Variants in DYNC2H1 observed in about 807,000 individuals in gnomAD.
The protein encoded by DYNC2H1 is dynein cytoplasmic 2 heavy chain 1, also known as cytoplasmic dynein 2 heavy chain 1.
Under a neutral mutation model 570.0 loss-of-function variants are expected in DYNC2H1, and 410 were observed. The observed-to-expected ratio is 0.72, with a 90% confidence interval of 0.66 to 0.78. The LOEUF is 0.78. DYNC2H1 is among the 30% of genes least tolerant of loss of function. The pLI, the probability that DYNC2H1 is intolerant of heterozygous loss-of-function variation, is 0.00. For synonymous variants in DYNC2H1, 1,688 were observed against 1,677.6 expected (o/e 1.01, Z -0.15); for missense variants, 4,865 against 5,046.4 (o/e 0.96, Z 1.09).
At chr11:103,197,375 A>G (rs1225120444) in intron 47 of DYNC2H1, among the ~76,000 whole-genome samples, 1 of 152,160 alleles carries the variant, frequency 6.6e-6, no homozygotes, top group Non-Finnish European at 1.5e-5. Context: ...GGGGCAGAAT[A>G]TAGACTAGTG....
intron 20 of DYNC2H1, 147 bp downstream of exon 20, chr11:103,148,764 T>C (rs980575847): frequency 9.3e-7 from 1 of 1,079,338 alleles, no homozygotes; most frequent in African/African-American, 1.6e-5. Flanking sequence ...GGTTAGCTCA[T>C]GATTAGACTC....
intron 83 of DYNC2H1, among the ~76,000 whole-genome samples, chr11:103,362,333 CTTT>C (rs1230736946): frequency 1.2e-4 from 3 of 25,126 alleles, no homozygotes; most frequent in Admixed American, 5.5e-4. Context: ...TTTTTTTTTT[CTTT>C]TTTTTTTTTT....
At chr11:103,444,173 AT>A (rs929670340) in intron 85 of DYNC2H1, among the ~76,000 whole-genome samples, 1 of 151,686 alleles carries the variant, frequency 6.6e-6, no homozygotes, top group African/African-American at 2.4e-5. Flanking sequence ...TAATATTTAT[AT>A]TAATTATCAA....
chr11:103,263,311 TAA>T (rs757152302), intron 70 of DYNC2H1, among the ~76,000 whole-genome samples: 10 of 152,056 alleles, frequency 6.6e-5, no homozygotes, highest in Non-Finnish European at 1.5e-4. Flanking sequence ...GACAGAAAAT[TAA>T]CAAGGGTATT....
intron 69 of DYNC2H1, among the ~76,000 whole-genome samples, chr11:103,258,616 C>A (rs1024007093): frequency 6.6e-6 from 1 of 152,206 alleles, no homozygotes; most frequent in African/African-American, 2.4e-5. Context: ...AGCACCTCTG[C>A]AGGAGGCTTG....
intron 78 of DYNC2H1, 85 bp from the exon 79 acceptor site, chr11:103,311,793 A>T: frequency 7.2e-7 from 1 of 1,388,674 alleles, no homozygotes. Context: ...AATTTTCTTT[A>T]AATTATGTTC....
At position 103,280,702 on chromosome 11, in the gene DYNC2H1, T is replaced by A. The variant is rs928297736; in HGVS notation, c.10761+289T>A. On this transcript the variant is annotated intron_variant, in intron 71 of 88. Transcript: ENST00000375735. The surrounding 1 kb of genome is among the most constrained non-coding windows in gnomAD (Gnocchi z 4.7). ...GGCAACAGAAGAGTCAGCCTTCTTC[T>A]TTTCCCGGCCTAGGTAGTAGAGCTC... Among the ~76,000 whole-genome samples, 5 of 152,070 alleles carry A rather than the reference T, an allele frequency of 3.3e-5. No homozygotes were observed. Among genetic ancestry groups the A allele is most frequent in the Non-Finnish European group, 7.4e-5 (5 of 67,986 alleles).
At chr11:103,140,596 G>A (rs1216588981) in intron 17 of DYNC2H1, among the ~76,000 whole-genome samples, 1 of 152,170 alleles carries the variant, frequency 6.6e-6, no homozygotes, top group Non-Finnish European at 1.5e-5. Flanking sequence ...AGTCTGATGG[G>A]CTTCCCTTTG....
chr11:103,381,480 C>T (rs547493050), intron 83 of DYNC2H1, among the ~76,000 whole-genome samples: 1 of 152,098 alleles, frequency 6.6e-6, no homozygotes, highest in Non-Finnish European at 1.5e-5. Context: ...GATGGAGTCT[C>T]GCTTTGTCAC....
chr11:103,338,457 G>C (rs532292139), intron 82 of DYNC2H1, among the ~76,000 whole-genome samples: 1 of 152,092 alleles, frequency 6.6e-6, no homozygotes, highest in Admixed American at 6.5e-5. Flanking sequence ...TGGGTGATGT[G>C]GTCATTTTTA....
chr11:103,353,025 T>A (rs1362867081), intron 82 of DYNC2H1, among the ~76,000 whole-genome samples: 1 of 152,136 alleles, frequency 6.6e-6, no homozygotes, highest in African/African-American at 2.4e-5. Flanking sequence ...GAAGTCATCA[T>A]CCTCAGCAAA....
chr11:103,177,440 C>T lies in DYNC2H1; in HGVS notation c.5875-116C>T. 1 of 983,054 alleles carries T rather than the reference C, an allele frequency of 1.0e-6. No individual in the cohort carries two copies. The highest frequency in any genetic ancestry group is 1.4e-6 in the Non-Finnish European group (1 of 690,506). 60.9% of individuals were successfully genotyped at this position (983,054 alleles called of 1,614,324 possible). On this transcript the variant is annotated intron_variant, in intron 37 of 88. Coordinates refer to ENST00000375735, the MANE Select transcript of DYNC2H1 (RefSeq NM_001377.3). This position sits in a 1 kb window ranked among gnomAD's most constrained non-coding sequence, Gnocchi z 4.4. ...CTATTACATTTTAGGCAATACCTTC[C>T]ACTGAAGAAATCAAAGGCTTAATTT...
chr11:103,215,903 A>C, intron 55 of DYNC2H1, 45 bp downstream of exon 55: 1 of 1,582,674 alleles, frequency 6.3e-7, no homozygotes. Flanking sequence ...TATGGAGAGC[A>C]TTTATGCCTG....
At position 103,437,925 on chromosome 11, in the gene DYNC2H1, T is replaced by C. The variant is rs185003697; in HGVS notation, c.12456+1893T>C. Among the ~76,000 whole-genome samples the C allele has an allele frequency of 2.6e-5, 4 of 152,240 alleles. No individual in the cohort carries two copies. The East Asian group carries it at 7.7e-4, about 29-fold the overall frequency. ...ACTCTTTAAAACAATTTTACATGAA[T>C]TATTGCAATTTTCTTGCATGGTTAT... is the stretch of plus-strand genomic sequence containing the variant. On this transcript the variant is annotated intron_variant, in intron 85 of 88. Transcript: ENST00000375735.
chr11:103,272,519 A>G (rs938281473), intron 70 of DYNC2H1, among the ~76,000 whole-genome samples: 2 of 152,184 alleles, frequency 1.3e-5, no homozygotes, highest in African/African-American at 4.8e-5. Flanking sequence ...ACATGTATAC[A>G]TATGTAGCAA....
chr11:103,179,524 C>T (rs1318274431), intron 39 of DYNC2H1, among the ~76,000 whole-genome samples: 1 of 151,628 alleles, frequency 6.6e-6, no homozygotes, highest in African/African-American at 2.4e-5. Flanking sequence ...TGACTGATTT[C>T]AGAGAAGTGA....
rs1271545970 is a variant in DYNC2H1, at chr11:103,282,199, T to C, written c.10782T>C (p.Gly3594=). The change falls in exon 72 of 89, where the codon GGT becomes GGC. Residue 3594 remains glycine, a synonymous_variant. Coordinates refer to ENST00000375735, the MANE Select transcript of DYNC2H1 (RefSeq NM_001377.3). ...AATAGGAATGGGATACGTTTACAGG[T>C]GTGGTTGTTGGAGACATGTTACGGA... ...FQENEWDTFT[G]VVVGDMLRKA... 2 of 1,608,644 alleles carry C rather than the reference T, an allele frequency of 1.2e-6. No individual in the cohort carries two copies. The highest frequency in any genetic ancestry group is 1.7e-6 in the Non-Finnish European group (2 of 1,177,718).
Position 103,179,164 on chromosome 11 carries a change from T to A in DYNC2H1, c.6278T>A (p.Val2093Glu), listed in dbSNP as rs1861748742. 6.2e-7 allele frequency: 1 copy of A among 1,613,116 alleles called. No homozygotes were observed. Among genetic ancestry groups the A allele is most frequent in the African/African-American group, 1.3e-5 (1 of 74,988 alleles). ...CAGTTTGGCCCAAATGTTAACTTTG[T>A]ATTTGAAACTCATGATTTAAGTTGT... ...RIQFGPNVNFVFETHDLSCAS... is the reference protein window; with the variant it reads ...RIQFGPNVNFEFETHDLSCAS... The change falls in exon 39 of 89, where the codon GTA becomes GAA. Residue 2093 changes from valine (V) to glutamate (E), a missense_variant. Physicochemically the swap from Val to Glu is moderately radical, Grantham distance 121. Coordinates refer to ENST00000375735, the MANE Select transcript of DYNC2H1 (RefSeq NM_001377.3).
intron 84 of DYNC2H1, among the ~76,000 whole-genome samples, chr11:103,422,144 A>G (rs1943509838): frequency 6.6e-6 from 1 of 152,182 alleles, no homozygotes; most frequent in Non-Finnish European, 1.5e-5. Flanking sequence ...TGAAGCAGGA[A>G]GAAATTGAAT....
Sources: allele counts gnomAD v4.1 joint callset (sites outside exome capture counted in the v4.1 genomes callset), GRCh38; gene constraint gnomAD v4.1.1; non-coding constraint Gnocchi (gnomAD v3.1); transcripts MANE v1.5; gene names NCBI Gene and HGNC (gene_info 2026-07-23, HGNC 2026-07-21).